The following PTGIS variants were observed in gnomAD, a reference collection of about 807,000 sequenced individuals.
The protein encoded by PTGIS is prostaglandin I2 synthase.
Under a neutral mutation model 50.3 loss-of-function variants are expected in PTGIS, and 45 were observed. The observed-to-expected ratio is 0.90, with a 90% CI of 0.70 to 1.15. The LOEUF is 1.15. PTGIS is among the 50% of genes most tolerant of loss of function. The probability of loss-of-function intolerance (pLI) is 0.00; values close to 1 mark genes in which losing one functional copy is unlikely to be tolerated. For missense variants in PTGIS, 668 were observed against 661.3 expected (o/e 1.01, Z -0.11); for synonymous variants, 260 against 267.7 (o/e 0.97, Z 0.28).
chr20:49,507,710 G>A lies in PTGIS; in HGVS notation c.*210C>T, dbSNP rs1324211890. 3.0e-6 allele frequency: 2 copies of A among 671,864 alleles called. No homozygotes were observed. Among genetic ancestry groups the A allele is most frequent in the South Asian group, 3.8e-5 (2 of 52,906 alleles). The allele number at this position is 671,864 out of a possible 1,614,324, so 41.6% of individuals were successfully genotyped here. ...CTGATTTTGGAAAGAAAACTTTGCAGTGGATAATCCATAGAGCTTTCAATG... is the reference window on the plus strand; with the variant it reads ...CTGATTTTGGAAAGAAAACTTTGCAATGGATAATCCATAGAGCTTTCAATG... On this transcript the variant is annotated 3_prime_UTR_variant, in exon 10 of 10. Coordinates refer to ENST00000244043, the MANE Select transcript of PTGIS (RefSeq NM_000961.4).
chr20:49,543,886 C>T (rs945023826), intron 4 of PTGIS, among the ~76,000 whole-genome samples: 6 of 152,176 alleles, frequency 3.9e-5, no homozygotes, highest in African/African-American at 1.2e-4. Flanking sequence ...GATTAGTGCC[C>T]GGCACTGCTG....
chr20:49,543,386 G>A (rs1009400059), intron 4 of PTGIS, among the ~76,000 whole-genome samples: 1 of 152,114 alleles, frequency 6.6e-6, no homozygotes, highest in African/African-American at 2.4e-5. Flanking sequence ...AGCAGCCAGA[G>A]GGGGCTTTCA....
At chr20:49,562,280 G>A (rs143648539) in intron 1 of PTGIS, among the ~76,000 whole-genome samples, 19 of 152,286 alleles carry the variant, frequency 1.2e-4, no homozygotes, top group East Asian at 7.7e-4. Flanking sequence ...CTTTGCAGGC[G>A]GGAGCAGGCT....
Position 49,507,547 on chromosome 20 carries a change from A to C in PTGIS, c.*373T>G. 2.7e-6 allele frequency: 1 copy of C among 364,390 alleles called. No homozygotes were observed. The highest frequency in any genetic ancestry group is 5.3e-6 in the Non-Finnish European group (1 of 188,290). The allele number at this position is 364,390 out of a possible 1,614,324, so 22.6% of individuals were successfully genotyped here. The stretch of plus-strand genomic sequence containing the variant: ...GACTGGATAAGGCCCGGGCCATGCT[A>C]GCTCATAAGAACTAGGAAGGTGACA... On this transcript the variant is annotated 3_prime_UTR_variant, in exon 10 of 10. Transcript: ENST00000244043.
chr20:49,509,838 C>T (rs1168717403), intron 9 of PTGIS, among the ~76,000 whole-genome samples: 5 of 148,060 alleles, frequency 3.4e-5, no homozygotes, highest in African/African-American at 1.2e-4. Flanking sequence ...TGGCCCCAGT[C>T]CCCCTTTTCC....
intron 6 of PTGIS, among the ~76,000 whole-genome samples, chr20:49,523,411 G>A (rs970932446): frequency 6.6e-6 from 1 of 151,910 alleles, no homozygotes; most frequent in African/African-American, 2.4e-5. Flanking sequence ...ATCAAGGTGA[G>A]GCATATATAG....
At chr20:49,547,290 C>T (rs1362165675) in intron 3 of PTGIS, among the ~76,000 whole-genome samples, 1 of 152,182 alleles carries the variant, frequency 6.6e-6, no homozygotes, top group Non-Finnish European at 1.5e-5. Flanking sequence ...TGTACCACTT[C>T]TGGCTATGTG....
intron 5 of PTGIS, among the ~76,000 whole-genome samples, chr20:49,534,890 C>T (rs1982030757): frequency 6.6e-6 from 1 of 152,158 alleles, no homozygotes; most frequent in Admixed American, 6.5e-5. Context: ...CCTGTAGTCC[C>T]AGCTACTTGG....
At chr20:49,533,215 C>T (rs1161106319) in intron 5 of PTGIS, among the ~76,000 whole-genome samples, 1 of 152,028 alleles carries the variant, frequency 6.6e-6, no homozygotes, top group African/African-American at 2.4e-5. Context: ...ACAGAGAGGC[C>T]CCCAGAAGAC....
At chr20:49,543,541 T>G (rs1268868735) in intron 4 of PTGIS, among the ~76,000 whole-genome samples, 1 of 152,176 alleles carries the variant, frequency 6.6e-6, no homozygotes, top group Non-Finnish European at 1.5e-5. Context: ...CCACCTTCCC[T>G]CCTTGGCTCT....
chr20:49,551,226 T>G (rs1433060345), intron 1 of PTGIS, among the ~76,000 whole-genome samples: 1 of 151,970 alleles, frequency 6.6e-6, no homozygotes, highest in African/African-American at 2.4e-5. Context: ...AAAATAAAAT[T>G]TAACCTGAAA....
At chr20:49,519,608 A>G (rs968637739) in intron 6 of PTGIS, among the ~76,000 whole-genome samples, 1 of 151,808 alleles carries the variant, frequency 6.6e-6, no homozygotes, top group Non-Finnish European at 1.5e-5. Context: ...CTCTATGCTG[A>G]CAACTCCCAA....
In PTGIS at chr20:49,507,384, G is replaced by T; in HGVS notation, c.*536C>A. The T allele has an allele frequency of 4.9e-6, 1 of 203,280 alleles. No homozygotes were observed. Among genetic ancestry groups the T allele is most frequent in the South Asian group, 9.2e-5 (1 of 10,890 alleles). 12.6% of individuals were successfully genotyped at this position (203,280 alleles called of 1,614,324 possible). A position where few individuals can be genotyped will look rare whatever the true frequency, so the allele number is the denominator to read the frequency against. On this transcript the variant is annotated 3_prime_UTR_variant, in exon 10 of 10. Coordinates refer to ENST00000244043, the MANE Select transcript of PTGIS (RefSeq NM_000961.4). ...AGCAATGGGGCAATCTGGCAAATGG[G>T]GCCCCAGGGAAGCAGATCTTCTAAG... is the stretch of plus-strand genomic sequence containing the variant.
rs1981190619 is a variant in PTGIS at position 49,507,684 on chromosome 20, C to A, written c.*236G>T. On this transcript the variant is annotated 3_prime_UTR_variant, in exon 10 of 10. Coordinates refer to ENST00000244043, the MANE Select transcript of PTGIS (RefSeq NM_000961.4). The stretch of plus-strand genomic sequence containing the variant: ...CGAGGTGAATTGGGAGCAGACAAAG[C>A]CTGATTTTGGAAAGAAAACTTTGCA... The A allele has an allele frequency of 1.0e-5, 6 of 599,126 alleles. No homozygotes were observed. The highest frequency in any genetic ancestry group is 1.8e-5 in the Non-Finnish European group (6 of 340,328). The allele number at this position is 599,126 out of a possible 1,614,324, so 37.1% of individuals were successfully genotyped here.
intron 5 of PTGIS, among the ~76,000 whole-genome samples, chr20:49,528,429 T>C (rs1981845976): frequency 6.6e-6 from 1 of 152,116 alleles, no homozygotes; most frequent in Non-Finnish European, 1.5e-5. Flanking sequence ...CTGGCCAACA[T>C]GGTGAAACCC....
chr20:49,541,377 C>T (rs1982222664), intron 4 of PTGIS, among the ~76,000 whole-genome samples: 1 of 152,104 alleles, frequency 6.6e-6, no homozygotes, highest in South Asian at 2.1e-4. Context: ...TTTTTGCTAA[C>T]TCAGAGAACC....
rs118175837 is a variant in PTGIS at position 49,555,322 on chromosome 20, A to G, written c.75-5133T>C. ...GCCTTTTTTCTGAAATCTCTGAGTTATACCTTTGGCTAAATGAATGACTTA... is the reference window on the plus strand; with the variant it reads ...GCCTTTTTTCTGAAATCTCTGAGTTGTACCTTTGGCTAAATGAATGACTTA... On this transcript the variant is annotated intron_variant, in intron 1 of 9. Coordinates refer to ENST00000244043, the MANE Select transcript of PTGIS (RefSeq NM_000961.4). Among the ~76,000 whole-genome samples, 192 of 152,254 alleles carry G rather than the reference A, an allele frequency of 1.3e-3. 2 individuals carry two copies. The South Asian group carries it at 0.026, about 21-fold the overall frequency.
At chr20:49,562,298 C>T (rs777100502) in intron 1 of PTGIS, among the ~76,000 whole-genome samples, 5 of 152,244 alleles carry the variant, frequency 3.3e-5, no homozygotes, top group Non-Finnish European at 5.9e-5. Context: ...GCTTTCTTCC[C>T]CTGCCTTTCT....
At chr20:49,536,026 T>A (rs953973838) in intron 5 of PTGIS, among the ~76,000 whole-genome samples, 3 of 152,256 alleles carry the variant, frequency 2.0e-5, no homozygotes, top group Non-Finnish European at 4.4e-5. Flanking sequence ...CTCTAAAAGA[T>A]GTTTATATCA....
Sources: allele counts gnomAD v4.1 joint callset (sites outside exome capture counted in the v4.1 genomes callset), GRCh38; gene constraint gnomAD v4.1.1; transcripts MANE v1.5; gene names NCBI Gene and HGNC (gene_info 2026-07-23, HGNC 2026-07-21).